The following ZNF419 variants were observed in gnomAD, a reference collection of about 807,000 sequenced individuals.
The protein encoded by ZNF419 is zinc finger protein 419.
A neutral mutation model predicts 14.9 loss-of-function variants in ZNF419; 8 were observed. The ratio of observed to expected loss-of-function variants is 0.54; its 90% confidence interval spans 0.32 to 0.97. ZNF419 has a LOEUF of 0.97. Among genes scored for constraint, ZNF419 ranks in the 50% least tolerant of loss-of-function variants. The probability of loss-of-function intolerance (pLI) is 0.04; values close to 1 mark genes in which losing one functional copy is unlikely to be tolerated. For missense variants in ZNF419, 595 were observed against 607.2 expected, an observed-to-expected ratio of 0.98 and a Z score of 0.21; for synonymous variants, 211 against 205.3, an observed-to-expected ratio of 1.03 and a Z score of -0.24.
Position 57,490,201 on chromosome 19 carries a change from C to A in ZNF419, c.72+16C>A. 1.9e-6 allele frequency: 3 copies of A among 1,612,094 alleles called. No homozygotes were observed. Among genetic ancestry groups the A allele is most frequent in the Non-Finnish European group, 2.5e-6 (3 of 1,178,910 alleles). On this transcript the variant is annotated intron_variant, in intron 2 of 4. Transcript: ENST00000221735. ...CCATGAGGAGGTAAGTGGAGGATGT[C>A]TCAGGTCCTCACACTCCTGCACTCC...
chr19:57,487,874 C>T lies in ZNF419; in HGVS notation c.-77C>T. ...TCGCCGCTCAGAGGCGGGTCTGAGG[C>T]TCGGTGGCGGCGCCCAGGGTGGCCC... is the stretch of plus-strand genomic sequence containing the variant. On this transcript the variant is annotated 5_prime_UTR_variant, in exon 1 of 5. Transcript: ENST00000221735. 10 of 1,603,436 alleles carry T rather than the reference C, an allele frequency of 6.2e-6. No individual in the cohort carries two copies. The highest frequency in any genetic ancestry group is 8.5e-6 in the Non-Finnish European group (10 of 1,172,324).
At chr19:57,492,584 C>G (rs1351351726) in intron 4 of ZNF419, 2 of 749,728 alleles carry the variant, frequency 2.7e-6, no homozygotes, top group African/African-American at 3.4e-5. Context: ...CTGTGGAAAG[C>G]CATTTGCAGA....
At chr19:57,489,937 CATT>C in intron 1 of ZNF419, 1 of 576,522 alleles carries the variant, frequency 1.7e-6, no homozygotes, top group Admixed American at 3.0e-5. Flanking sequence ...GAGTAAATAC[CATT>C]ATTATTGCCA....
chr19:57,493,130 A>G lies in ZNF419; in HGVS notation c.573A>G (p.Lys191=). The G allele has an allele frequency of 6.2e-7, 1 of 1,614,152 alleles. No individual in the cohort carries two copies. Among genetic ancestry groups the G allele is most frequent in the Middle Eastern group, 1.6e-4 (1 of 6,062 alleles). Residue 191 remains lysine (K), a synonymous_variant, in exon 5 of 5, where the codon AAA becomes AAG. Transcript: ENST00000221735. ...HTGEKSHRSS[K]SREAFHAGKR... is the part of the protein sequence containing the mutation. ...GAGAGAAGTCACATAGGAGCTCCAAAAGTAGGGAGGCCTTTCATGCTGGAA... is the reference window on the plus strand; with the variant it reads ...GAGAGAAGTCACATAGGAGCTCCAAGAGTAGGGAGGCCTTTCATGCTGGAA...
rs2074077 is a variant in ZNF419 at position 57,493,563 on chromosome 19, A to G, written c.1006A>G (p.Ile336Val). Residue 336 changes from isoleucine (I) to valine (V), a missense_variant, in exon 5 of 5, where the codon ATT (isoleucine) becomes GTT (valine). Physicochemically the swap from Ile to Val is conservative, Grantham distance 29 (BLOSUM62 3). Transcript: ENST00000221735. ...FNSSLMKHQR[I>V]HTGERPYKCS... ...CTCCAGCCTCATGAAACATCAGAGAATTCACACTGGAGAAAGACCTTATAA... is the reference window on the plus strand; with the variant it reads ...CTCCAGCCTCATGAAACATCAGAGAGTTCACACTGGAGAAAGACCTTATAA... 0.7 allele frequency: 1,128,445 copies of G among 1,611,446 alleles called. 396,573 individuals are homozygous for G. The highest frequency in any genetic ancestry group is 0.79 in the South Asian group (71,900 of 91,042).
In ZNF419 at chr19:57,494,457, C is replaced by T; in HGVS notation, c.*367C>T. On this transcript the variant is annotated 3_prime_UTR_variant, in exon 5 of 5. Coordinates refer to ENST00000221735, the MANE Select transcript of ZNF419 (RefSeq NM_024691.4). ...CTGGAGGCAAGATGAGAATTCCTGA[C>T]AGATTGTCCTTCCTGAGAAGACAGC... 1 of 212,032 alleles carries T rather than the reference C, an allele frequency of 4.7e-6. No individual in the cohort carries two copies. The highest frequency in any genetic ancestry group is 9.2e-6 in the Non-Finnish European group (1 of 109,158). 13.1% of individuals were successfully genotyped at this position (212,032 alleles called of 1,614,324 possible).
rs1230517237 is a variant in ZNF419, at chr19:57,493,701, C to T, written c.1144C>T (p.Gln382Ter). 1 of 1,614,016 alleles carries T rather than the reference C, an allele frequency of 6.2e-7. No individual in the cohort carries two copies. Among genetic ancestry groups the T allele is most frequent in the South Asian group, 1.1e-5 (1 of 91,082 alleles). Residue 382 changes from glutamine to a stop codon, truncating the protein, a stop_gained, in exon 5 of 5, where the codon CAA becomes TAA. Transcript: ENST00000221735. LOFTEE classifies it low-confidence loss of function (END_TRUNC). ...KCSDCGKFFT[Q>*]CSSLMQHQKV... ...CAGCGACTGTGGGAAATTTTTTACC[C>T]AATGCTCAAGCCTCATGCAACATCA...
chr19:57,489,791 G>A (rs764684286), intron 1 of ZNF419: 20 of 204,518 alleles, frequency 9.8e-5, no homozygotes, highest in Admixed American at 2.3e-4. Flanking sequence ...CGCCTAGCCA[G>A]AAACCCACAT....
intron 2 of ZNF419, chr19:57,490,660 A>G (rs548363658): frequency 3.9e-4 from 61 of 155,758 alleles, no homozygotes; most frequent in African/African-American, 1.3e-3. Context: ...CAGACTATGT[A>G]TTCTATGGAG....
intron 2 of ZNF419, 116 bp downstream of exon 2, chr19:57,490,301 T>C: frequency 1.1e-6 from 1 of 904,770 alleles, no homozygotes; most frequent in Non-Finnish European, 1.8e-6. Context: ...CCATTTGAGT[T>C]CCCTGGAAGA....
At chr19:57,491,671 G>C (rs745366490) in intron 3 of ZNF419, 74 bp downstream of exon 3, 3 of 1,611,696 alleles carry the variant, frequency 1.9e-6, no homozygotes, top group Non-Finnish European at 2.5e-6. Flanking sequence ...GGAGAGGTCT[G>C]TTCTTCCCAA....
chr19:57,494,952 A>C lies in ZNF419; in HGVS notation c.*862A>C, dbSNP rs1292200840. 2 of 153,650 alleles carry C rather than the reference A, an allele frequency of 1.3e-5. No individual in the cohort carries two copies. The highest frequency in any genetic ancestry group is 2.9e-5 in the Non-Finnish European group (2 of 69,002). 9.5% of individuals were successfully genotyped at this position (153,650 alleles called of 1,614,324 possible). A position where few individuals can be genotyped will look rare whatever the true frequency, so the allele number is the denominator to read the frequency against. ...TAAGTGTGAAGTAGTATTTCATTGT[A>C]GTTCTTAATTTGTATTTTTCCGATG... On this transcript the variant is annotated 3_prime_UTR_variant, in exon 5 of 5. Transcript: ENST00000221735.
Position 57,494,035 on chromosome 19 carries a change from G to A in ZNF419, c.1478G>A (p.Arg493His), listed in dbSNP as rs757974326. The stretch of plus-strand genomic sequence containing the variant: ...TGCAGGGAATGTGGGAAGTTTTTTC[G>A]CCACAACTCCAGTCTTTTTAAACAT... ...YECRECGKFF[R>H]HNSSLFKHRR... is the part of the protein sequence containing the mutation. Residue 493 changes from arginine (R) to histidine (H), a missense_variant, in exon 5 of 5, where the codon CGC (arginine) becomes CAC (histidine). Transcript: ENST00000221735. The A allele has an allele frequency of 1.1e-5, 18 of 1,613,102 alleles. No individual in the cohort carries two copies. The highest frequency in any genetic ancestry group is 1.7e-4 in the Middle Eastern group (1 of 6,044).
At position 57,487,997 on chromosome 19, in the gene ZNF419, C is replaced by T; in HGVS notation, c.33+14C>T. 6.2e-7 allele frequency: 1 copy of T among 1,613,556 alleles called. No homozygotes were observed. The highest frequency in any genetic ancestry group is 8.5e-7 in the Non-Finnish European group (1 of 1,179,870). ...GACCCCGCTCAGGTGAGCGCCGCGT[C>T]CTCCTGGCCTCCCCCGAATCCTAAA... On this transcript the variant is annotated intron_variant, in intron 1 of 4. Coordinates refer to ENST00000221735, the MANE Select transcript of ZNF419 (RefSeq NM_024691.4).
At position 57,490,172 on chromosome 19, in the gene ZNF419, C is replaced by T. The variant is rs201110904; in HGVS notation, c.59C>T (p.Thr20Ile). 2.5e-6 allele frequency: 4 copies of T among 1,613,580 alleles called. No homozygotes were observed. In the East Asian group the frequency reaches 8.9e-5, roughly 36 times the overall value. Residue 20 changes from threonine to isoleucine, a missense_variant, in exon 2 of 5, where the codon ACA becomes ATA. Thr to Ile is a moderately conservative substitution (Grantham distance 89). Transcript: ENST00000221735. ...GTTCCTGTGGCTGCAGACTTGCTTA[C>T]AGACCATGAGGAGGTAAGTGGAGGA... Reference protein sequence around the residue: ...AQVPVAADLLTDHEEGYVTFE... With the variant: ...AQVPVAADLLIDHEEGYVTFE...
At position 57,491,531 on chromosome 19, in the gene ZNF419, G is replaced by A; in HGVS notation, c.133G>A (p.Asp45Asn). Residue 45 changes from aspartate to asparagine, a missense_variant, in exon 3 of 5, where the codon GAT becomes AAT. Physicochemically the swap from Asp to Asn is conservative, Grantham distance 23. Coordinates refer to ENST00000221735, the MANE Select transcript of ZNF419 (RefSeq NM_024691.4). ...CTCCCAGGAGGAATGGAGATTGCTTGATGACGCTCAGAGGCTCCTCTACCG... is the reference window on the plus strand; with the variant it reads ...CTCCCAGGAGGAATGGAGATTGCTTAATGACGCTCAGAGGCTCCTCTACCG... ...YFSQEEWRLL[D>N]DAQRLLYRNV... The A allele has an allele frequency of 6.2e-7, 1 of 1,614,142 alleles. No homozygotes were observed. The highest frequency in any genetic ancestry group is 8.5e-7 in the Non-Finnish European group (1 of 1,180,020).
At chr19:57,488,948 G>A (rs530534380) in intron 1 of ZNF419, 3 of 152,432 alleles carry the variant, frequency 2.0e-5, no homozygotes, top group African/African-American at 4.8e-5. Flanking sequence ...GAGGGTTATA[G>A]AGTATGAAGA....
Position 57,493,558 on chromosome 19 carries a change from A to G in ZNF419, c.1001A>G (p.Gln334Arg), listed in dbSNP as rs780315427. The G allele has an allele frequency of 5.6e-5, 90 of 1,608,224 alleles. No individual in the cohort carries two copies. In the East Asian group the frequency reaches 2.0e-3, roughly 35 times the overall value. ...FSFNSSLMKHQRIHTGERPYK... is the reference protein window; with the variant it reads ...FSFNSSLMKHRRIHTGERPYK... ...TTCAACTCCAGCCTCATGAAACATCAGAGAATTCACACTGGAGAAAGACCT... is the reference window on the plus strand; with the variant it reads ...TTCAACTCCAGCCTCATGAAACATCGGAGAATTCACACTGGAGAAAGACCT... Residue 334 changes from glutamine to arginine, a missense_variant, in exon 5 of 5, where the codon CAG becomes CGG. Gln to Arg is a conservative substitution (Grantham distance 43). Transcript: ENST00000221735.
chr19:57,489,946 T>C, intron 1 of ZNF419: 1 of 586,480 alleles, frequency 1.7e-6, no homozygotes, highest in Admixed American at 3.0e-5. Flanking sequence ...CCATTATTAT[T>C]GCCATGTTGC....
Sources: gnomAD v4.1 joint callset for allele counts on GRCh38, gnomAD v4.1.1 for gene constraint, MANE v1.5 for transcripts, NCBI Gene and HGNC (gene_info 2026-07-23, HGNC 2026-07-21) for gene names.